The following MAP2K5 variants were observed in gnomAD, a reference collection of about 807,000 sequenced individuals.
MAP2K5 encodes mitogen-activated protein kinase kinase 5.
Under a neutral mutation model 83.1 loss-of-function variants are expected in MAP2K5, and 49 were observed. That is an observed-to-expected ratio of 0.59 (90% CI 0.47 to 0.75). The LOEUF is 0.75. Among genes scored for constraint, MAP2K5 ranks in the 30% least tolerant of loss-of-function variants. The probability of loss-of-function intolerance (pLI) is 0.00; values close to 1 mark genes in which losing one functional copy is unlikely to be tolerated. For missense variants in MAP2K5, 457 were observed against 557.5 expected, an observed-to-expected ratio of 0.82 and a Z score of 1.82; for synonymous variants, 202 against 191.8, an observed-to-expected ratio of 1.05 and a Z score of -0.44.
At chr15:67,732,901 C>G (rs1371245181) in intron 17 of MAP2K5, among the ~76,000 whole-genome samples, 1 of 152,058 alleles carries the variant, frequency 6.6e-6, no homozygotes, top group Non-Finnish European at 1.5e-5. Context: ...ACCTGAGATT[C>G]GGATGATTAG....
chr15:67,563,920 G>A lies in MAP2K5; in HGVS notation c.252+570G>A, dbSNP rs140062248. On this transcript the variant is annotated intron_variant, in intron 3 of 21. Coordinates refer to ENST00000178640, the MANE Select transcript of MAP2K5 (RefSeq NM_145160.3). This position sits in a 1 kb window ranked among gnomAD's most constrained non-coding sequence, Gnocchi z 4.5. ...GTTTAAAATTTTACTGAAAATCTGC[G>A]TTAACAGTTATCTGATACTGAAGTA... 2.6e-5 allele frequency among the ~76,000 whole-genome samples: 4 copies of A among 152,038 alleles called. No homozygotes were observed. The highest frequency in any genetic ancestry group is 4.4e-5 in the Non-Finnish European group (3 of 68,028).
At chr15:67,761,889 A>T (rs1416667888) in intron 19 of MAP2K5, among the ~76,000 whole-genome samples, 2 of 152,216 alleles carry the variant, frequency 1.3e-5, no homozygotes, top group African/African-American at 4.8e-5. Flanking sequence ...GCCAGTGTGT[A>T]TATTAACATT....
At chr15:67,628,501 T>C in intron 8 of MAP2K5, 1 of 694,408 alleles carries the variant, frequency 1.4e-6, no homozygotes, top group Non-Finnish European at 2.4e-6. Context: ...AAATAAAAAA[T>C]AAAAAAAAGA....
At chr15:67,705,435 GA>G (rs1031933899) in intron 16 of MAP2K5, among the ~76,000 whole-genome samples, 3 of 150,438 alleles carry the variant, frequency 2.0e-5, no homozygotes, top group Admixed American at 1.3e-4. Context: ...TCCCATGGAG[GA>G]AAAAAAAAGC....
At chr15:67,767,012 ATTCTTTC>A (rs2090052910) in intron 19 of MAP2K5, among the ~76,000 whole-genome samples, 4 of 152,148 alleles carry the variant, frequency 2.6e-5, no homozygotes, top group Non-Finnish European at 5.9e-5. Context: ...TTAATGAGTG[ATTCTTTC>A]CAGGGACCAC....
rs2089684296 is a variant in MAP2K5, at chr15:67,749,981, A to G, written c.1134+1380A>G. ...CTCCTAGGCATCAGAACATCCAGGT[A>G]AAGGCATTCCTCACCAATACTATGT... On this transcript the variant is annotated intron_variant, in intron 19 of 21. Transcript: ENST00000178640. This position sits in a 1 kb window ranked among gnomAD's most constrained non-coding sequence, Gnocchi z 4.6. Among the ~76,000 whole-genome samples the G allele has an allele frequency of 6.6e-6, 1 of 152,232 alleles. No homozygotes were observed. The highest frequency in any genetic ancestry group is 2.1e-4 in the South Asian group (1 of 4,830).
At chr15:67,566,670 C>A (rs919146186) in intron 3 of MAP2K5, among the ~76,000 whole-genome samples, 3 of 152,150 alleles carry the variant, frequency 2.0e-5, no homozygotes, top group African/African-American at 7.2e-5. Context: ...AAATTTGCAA[C>A]CTCTGAGTTG....
At chr15:67,592,795 A>G (rs1167485530) in intron 6 of MAP2K5, 131 bp from the exon 7 acceptor site, 6 of 659,880 alleles carry the variant, frequency 9.1e-6, no homozygotes, top group Admixed American at 3.3e-5. Context: ...AAAAATTTAC[A>G]TTGGGAGAAG....
chr15:67,664,939 T>C (rs573767286), intron 13 of MAP2K5, among the ~76,000 whole-genome samples: 4 of 152,376 alleles, frequency 2.6e-5, no homozygotes, highest in African/African-American at 9.6e-5. Context: ...CTATTGTTAA[T>C]GCAAAACCTT....
At chr15:67,800,303 AG>A (rs2090681048) in intron 21 of MAP2K5, among the ~76,000 whole-genome samples, 1 of 152,200 alleles carries the variant, frequency 6.6e-6, no homozygotes, top group Admixed American at 6.5e-5. Context: ...ATATTAATGT[AG>A]AAGTGGGGTT....
chr15:67,588,889 C>T (rs993122610), intron 6 of MAP2K5, among the ~76,000 whole-genome samples: 9 of 152,206 alleles, frequency 5.9e-5, no homozygotes, highest in Admixed American at 5.9e-4. Flanking sequence ...AATCACAGCT[C>T]GCTGCAGCCT....
intron 19 of MAP2K5, among the ~76,000 whole-genome samples, chr15:67,753,091 C>T (rs1413157059): frequency 6.6e-6 from 1 of 152,064 alleles, no homozygotes; most frequent in Non-Finnish European, 1.5e-5. Context: ...CATTCTGTGG[C>T]GAAAGAATAG....
At chr15:67,693,799 A>C (rs2088175824) in intron 15 of MAP2K5, among the ~76,000 whole-genome samples, 1 of 152,184 alleles carries the variant, frequency 6.6e-6, no homozygotes, top group South Asian at 2.1e-4. Flanking sequence ...TCAAGTGTGA[A>C]ATCGCTGAGT....
intron 21 of MAP2K5, among the ~76,000 whole-genome samples, chr15:67,792,885 T>A (rs2090543217): frequency 6.6e-6 from 1 of 152,202 alleles, no homozygotes; most frequent in Non-Finnish European, 1.5e-5. Context: ...TGAGATCACA[T>A]GGTGCTTCAT....
chr15:67,549,772 G>C (rs1268028134), intron 1 of MAP2K5, among the ~76,000 whole-genome samples: 1 of 152,052 alleles, frequency 6.6e-6, no homozygotes, highest in Non-Finnish European at 1.5e-5. Context: ...CGGTTTATTT[G>C]TATATAGACT....
intron 3 of MAP2K5, among the ~76,000 whole-genome samples, chr15:67,575,284 C>T (rs947378173): frequency 6.8e-6 from 1 of 146,742 alleles, no homozygotes; most frequent in Admixed American, 7.0e-5. Context: ...GGAAATCCTG[C>T]ATTTAAAGGA....
In MAP2K5 at chr15:67,721,824, A is replaced by G. The variant is rs909162979; in HGVS notation, c.1045-6092A>G. On this transcript the variant is annotated intron_variant, in intron 16 of 21. Transcript: ENST00000178640. ...AAGTATTTCTTCATCACTTTTAATGATGGTGTCTTTGAATTTCCTTAAATA... is the reference window on the plus strand; with the variant it reads ...AAGTATTTCTTCATCACTTTTAATGGTGGTGTCTTTGAATTTCCTTAAATA... 6.6e-5 allele frequency among the ~76,000 whole-genome samples: 10 copies of G among 152,318 alleles called. No homozygotes were observed. The South Asian group carries it at 1.2e-3, about 19-fold the overall frequency.
intron 21 of MAP2K5, among the ~76,000 whole-genome samples, 197 bp downstream of exon 21, chr15:67,772,949 T>C (rs897911149): frequency 6.6e-6 from 1 of 152,178 alleles, no homozygotes; most frequent in African/African-American, 2.4e-5. Context: ...CACCACCTTT[T>C]TGAAAGTTAA....
rs903012440 is a variant in MAP2K5 at position 67,561,446 on chromosome 15, A to T, written c.185-1837A>T. Reference sequence around the variant, plus strand: ...ATGAAAGAATCTTTATGTGTGTAACATCTCTCAGGACTGTGCCTTCTTCAT... The same window carrying T: ...ATGAAAGAATCTTTATGTGTGTAACTTCTCTCAGGACTGTGCCTTCTTCAT... On this transcript the variant is annotated intron_variant, in intron 2 of 21. Transcript: ENST00000178640. This position sits in a 1 kb window ranked among gnomAD's most constrained non-coding sequence, Gnocchi z 4.2. Among the ~76,000 whole-genome samples the T allele has an allele frequency of 6.6e-6, 1 of 152,204 alleles. No homozygotes were observed. Among genetic ancestry groups the T allele is most frequent in the Admixed American group, 6.5e-5 (1 of 15,280 alleles).
Sources: gnomAD v4.1 joint callset for allele counts (sites outside exome capture counted in the v4.1 genomes callset) on GRCh38, gnomAD v4.1.1 for gene constraint, Gnocchi (gnomAD v3.1) non-coding constraint, MANE v1.5 for transcripts, NCBI Gene and HGNC (gene_info 2026-07-23, HGNC 2026-07-21) for gene names.